Variants in PDE3A observed in about 807,000 individuals in gnomAD.
The protein encoded by PDE3A is cGMP-inhibited 3',5'-cyclic phosphodiesterase 3A.
PDE3A carries 43 observed loss-of-function variants against 98.3 expected under a neutral mutation model. The observed-to-expected ratio is 0.44, with a 90% confidence interval of 0.34 to 0.56. The LOEUF is 0.56. PDE3A is among the 20% of genes least tolerant of loss of function. The probability of loss-of-function intolerance (pLI) is 0.01; values close to 1 mark genes in which losing one functional copy is unlikely to be tolerated. For missense variants in PDE3A, 1,427 were observed against 1,440.7 expected (o/e 0.99, Z 0.15); for synonymous variants, 663 against 567.9 (o/e 1.17, Z -2.38).
intron 10 of PDE3A, among the ~76,000 whole-genome samples, chr12:20,640,621 A>C (rs1944625710): frequency 6.6e-6 from 1 of 152,164 alleles, no homozygotes; most frequent in Non-Finnish European, 1.5e-5. Flanking sequence ...GTCTTGTGGG[A>C]ATAAGTTTCC....
chr12:20,511,737 A>G (rs1157908603), intron 1 of PDE3A, among the ~76,000 whole-genome samples: 1 of 152,052 alleles, frequency 6.6e-6, no homozygotes, highest in Admixed American at 6.6e-5. Flanking sequence ...TTCCTTCCAA[A>G]GAGAGACTTG....
chr12:20,598,533 G>C (rs1372759055), intron 2 of PDE3A, among the ~76,000 whole-genome samples: 4 of 152,070 alleles, frequency 2.6e-5, no homozygotes, highest in Non-Finnish European at 2.9e-5. Flanking sequence ...TAAAAAATTG[G>C]GGGCTATTGA....
chr12:20,671,935 G>A (rs1368077208), intron 15 of PDE3A, among the ~76,000 whole-genome samples: 4 of 145,896 alleles, frequency 2.7e-5, no homozygotes, highest in African/African-American at 1.0e-4. Context: ...TGACATGATT[G>A]TATATCTAGA....
intron 15 of PDE3A, among the ~76,000 whole-genome samples, chr12:20,670,265 C>G (rs1028372727): frequency 2.0e-5 from 3 of 147,882 alleles, no homozygotes; most frequent in African/African-American, 5.1e-5. Context: ...TTTAACACCC[C>G]ACTGTCAACA....
chr12:20,580,817 C>T (rs1943044419), intron 2 of PDE3A, among the ~76,000 whole-genome samples: 1 of 152,172 alleles, frequency 6.6e-6, no homozygotes, highest in South Asian at 2.1e-4. Flanking sequence ...ATGTTGCTGT[C>T]CTAACAAACA....
chr12:20,501,109 C>T (rs148054926), intron 1 of PDE3A, among the ~76,000 whole-genome samples: 11 of 152,236 alleles, frequency 7.2e-5, no homozygotes, highest in Non-Finnish European at 1.6e-4. Context: ...ATAAGTATTA[C>T]AGCTAAACAA....
chr12:20,517,699 T>C (rs1270772109), intron 1 of PDE3A, among the ~76,000 whole-genome samples: 2 of 152,168 alleles, frequency 1.3e-5, no homozygotes, highest in Admixed American at 6.5e-5. Flanking sequence ...TTATTAATTA[T>C]CTTAAATATC....
intron 15 of PDE3A, among the ~76,000 whole-genome samples, chr12:20,654,672 TTTTTTTTTTTTTTGTA>T (rs1414914177): frequency 5.2e-5 from 7 of 133,462 alleles, no homozygotes; most frequent in African/African-American, 1.9e-4. Flanking sequence ...TTTTTTTTTT[TTTTTTTTTTTTTTGTA>T]TTTTGAGTAG....
At chr12:20,436,604 G>C (rs1944782927) in intron 1 of PDE3A, among the ~76,000 whole-genome samples, 1 of 152,168 alleles carries the variant, frequency 6.6e-6, no homozygotes, top group Non-Finnish European at 1.5e-5. Flanking sequence ...TTCATCTCCA[G>C]GATTCTGGTT....
chr12:20,475,330 C>T (rs1303745978), intron 1 of PDE3A, among the ~76,000 whole-genome samples: 1 of 151,986 alleles, frequency 6.6e-6, no homozygotes, highest in Non-Finnish European at 1.5e-5. Context: ...CTTGCTTTTT[C>T]ATGTGAAGTT....
At chr12:20,558,360 T>G (rs1239377601) in intron 2 of PDE3A, among the ~76,000 whole-genome samples, 1 of 152,112 alleles carries the variant, frequency 6.6e-6, no homozygotes, top group African/African-American at 2.4e-5. Context: ...AATTTGATTA[T>G]ATTTGAAAGC....
chr12:20,386,074 T>TATATATAAATATATATAA (rs1565532460), intron 1 of PDE3A, among the ~76,000 whole-genome samples: 1 of 41,056 alleles, frequency 2.4e-5, no homozygotes, highest in East Asian at 1.0e-3. Context: ...ATATATAAAA[T>TATATATAAATATATATAA]ATATATAAAT....
At chr12:20,619,694 CAAAG>C (rs1361400670) in intron 4 of PDE3A, among the ~76,000 whole-genome samples, 1 of 152,000 alleles carries the variant, frequency 6.6e-6, no homozygotes, top group African/African-American at 2.4e-5. Flanking sequence ...AGGAAGATGT[CAAAG>C]AAATATTTTT....
chr12:20,414,093 G>A lies in PDE3A; in HGVS notation c.960+43849G>A, dbSNP rs567944090. On this transcript the variant is annotated intron_variant, in intron 1 of 15. Coordinates refer to ENST00000359062, the MANE Select transcript of PDE3A (RefSeq NM_000921.5). ...GCCAAAGAACAGATTCTGGAGAGACGGCAAAGAGGAATTCTGTGATATTAT... is the reference window on the plus strand; with the variant it reads ...GCCAAAGAACAGATTCTGGAGAGACAGCAAAGAGGAATTCTGTGATATTAT... 1.4e-4 allele frequency among the ~76,000 whole-genome samples: 22 copies of A among 152,194 alleles called. No homozygotes were observed. In the South Asian group the frequency reaches 3.1e-3, roughly 22 times the overall value.
At chr12:20,432,822 G>T (rs1034254443) in intron 1 of PDE3A, among the ~76,000 whole-genome samples, 1 of 151,982 alleles carries the variant, frequency 6.6e-6, no homozygotes, top group African/African-American at 2.4e-5. Flanking sequence ...TGAAACTTAG[G>T]TAAATGGTTA....
intron 1 of PDE3A, among the ~76,000 whole-genome samples, chr12:20,516,722 C>T (rs1009216254): frequency 3.5e-4 from 53 of 152,098 alleles, no homozygotes; most frequent in Admixed American, 3.0e-3. Context: ...TCTTTGACTA[C>T]AAAAATCAAA....
intron 14 of PDE3A, 105 bp from the exon 15 acceptor site, chr12:20,653,842 T>C (rs527359910): frequency 1.7e-6 from 2 of 1,174,514 alleles, no homozygotes; most frequent in African/African-American, 3.0e-5. Context: ...GTAGGATCCT[T>C]TAGCTGTCAA....
At chr12:20,545,861 A>C (rs1239474241) in intron 1 of PDE3A, among the ~76,000 whole-genome samples, 1 of 152,038 alleles carries the variant, frequency 6.6e-6, no homozygotes, top group African/African-American at 2.4e-5. Context: ...ATGGATATTT[A>C]TATGGCTTTT....
At chr12:20,474,415 A>G (rs942145290) in intron 1 of PDE3A, among the ~76,000 whole-genome samples, 3 of 152,150 alleles carry the variant, frequency 2.0e-5, no homozygotes, top group African/African-American at 7.2e-5. Context: ...TAGGACAAAA[A>G]TTATCTTTCA....
Sources: allele counts gnomAD v4.1 joint callset (sites outside exome capture counted in the v4.1 genomes callset), GRCh38; gene constraint gnomAD v4.1.1; transcripts MANE v1.5; gene names NCBI Gene and HGNC (gene_info 2026-07-23, HGNC 2026-07-21).